Variants in GREB1 observed in about 807,000 individuals in gnomAD.
GREB1 encodes the protein protein GREB1.
Under a neutral mutation model 200.7 loss-of-function variants are expected in GREB1, and 106 were observed. That is an observed-to-expected ratio of 0.53 (90% CI 0.45 to 0.62). GREB1 has a LOEUF of 0.62. GREB1 is among the 20% of genes least tolerant of loss of function. The probability of loss-of-function intolerance (pLI) is 0.00; values close to 1 mark genes in which losing one functional copy is unlikely to be tolerated. For synonymous variants in GREB1, 1,132 were observed against 1,092.4 expected (o/e 1.04, Z -0.72); for missense variants, 2,243 against 2,556.8 (o/e 0.88, Z 2.65).
At chr2:11,637,424 A>G (rs1572233848) in intron 30 of GREB1, among the ~76,000 whole-genome samples, 1 of 152,108 alleles carries the variant, frequency 6.6e-6, no homozygotes, top group Non-Finnish European at 1.5e-5. Context: ...CCCCAGACCC[A>G]TGGGTTCTCT....
At chr2:11,581,347 C>G (rs1051219237) in intron 7 of GREB1, 5 of 301,430 alleles carry the variant, frequency 1.7e-5, no homozygotes, top group Non-Finnish European at 3.1e-5. Flanking sequence ...GCTCACTAAT[C>G]GGTACCGGCT....
At chr2:11,520,327 A>G (rs181610363) in intron 1 of GREB1, among the ~76,000 whole-genome samples, 9 of 152,352 alleles carry the variant, frequency 5.9e-5, no homozygotes, top group Admixed American at 2.0e-4. Flanking sequence ...TTTATTATCT[A>G]TCTTCCAGTT....
At chr2:11,591,386 T>C (rs1468988682) in intron 10 of GREB1, 2 of 734,792 alleles carry the variant, frequency 2.7e-6, no homozygotes, top group African/African-American at 3.4e-5. Context: ...CCTGACGCAC[T>C]TTCTTCCAGC....
chr2:11,541,333 G>A (rs1416546533), intron 1 of GREB1, among the ~76,000 whole-genome samples: 1 of 152,112 alleles, frequency 6.6e-6, no homozygotes, highest in African/African-American at 2.4e-5. Flanking sequence ...TCCAGACCAT[G>A]GCCCTTCCTT....
chr2:11,634,323 C>A lies in GREB1; in HGVS notation c.5184C>A (p.Thr1728=). Residue 1728 remains threonine (T), a synonymous_variant, in exon 29 of 33, where the codon ACC becomes ACA. Coordinates refer to ENST00000381486, the MANE Select transcript of GREB1 (RefSeq NM_014668.4). ...TCATCATCCTGAACGTGGACCTGAC[C>A]CAGAACGTGCAGTACAACCAGAACC... is the stretch of plus-strand genomic sequence containing the variant. ...HNFIILNVDL[T]QNVQYNQNRF... 1 of 1,613,988 alleles carries A rather than the reference C, an allele frequency of 6.2e-7. No homozygotes were observed. The highest frequency in any genetic ancestry group is 1.1e-5 in the South Asian group (1 of 91,082).
intron 1 of GREB1, among the ~76,000 whole-genome samples, chr2:11,499,283 G>T (rs1414656740): frequency 6.6e-6 from 1 of 152,222 alleles, no homozygotes; most frequent in East Asian, 1.9e-4. Flanking sequence ...TGGGTGCAGG[G>T]GTCAGCCTGG....
intron 1 of GREB1, among the ~76,000 whole-genome samples, chr2:11,552,279 A>G (rs1675928848): frequency 6.6e-6 from 1 of 152,178 alleles, no homozygotes; most frequent in South Asian, 2.1e-4. Flanking sequence ...CAGGCGTTGG[A>G]TGTGATGTGT....
chr2:11,532,736 G>A (rs1259515175), upstream of GREB1, among the ~76,000 whole-genome samples: 1 of 152,166 alleles, frequency 6.6e-6, no homozygotes, highest in Non-Finnish European at 1.5e-5. Flanking sequence ...CGATGTGTGT[G>A]CTTGTCCCCA....
rs750847838 is a variant in GREB1 at position 11,580,738 on chromosome 2, A to G, written c.807A>G (p.Ala269=). ...CTGATCACCCCTCACTAAACGCAGCAATGGGTCCGGCTGTTTTCAACGGCA... is the reference window on the plus strand; with the variant it reads ...CTGATCACCCCTCACTAAACGCAGCGATGGGTCCGGCTGTTTTCAACGGCA... The part of the protein sequence containing the change: ...PASDHPSLNA[A]MGPAVFNGKD... Residue 269 remains alanine, a synonymous_variant, in exon 7 of 33, where the codon GCA becomes GCG. Transcript: ENST00000381486. The surrounding 1 kb of genome is among the most constrained non-coding windows in gnomAD (Gnocchi z 4.5). 3.1e-6 allele frequency: 5 copies of G among 1,614,194 alleles called. No homozygotes were observed. The highest frequency in any genetic ancestry group is 4.2e-6 in the Non-Finnish European group (5 of 1,180,008).
At chr2:11,505,146 G>A (rs1474673032) in intron 1 of GREB1, among the ~76,000 whole-genome samples, 2 of 152,058 alleles carry the variant, frequency 1.3e-5, no homozygotes, top group Admixed American at 6.5e-5. Flanking sequence ...TGGCCAGGCT[G>A]GTCTTGAACT....
At chr2:11,490,994 A>AT (rs1226557811) in intron 1 of GREB1, among the ~76,000 whole-genome samples, 2 of 152,206 alleles carry the variant, frequency 1.3e-5, no homozygotes, top group Non-Finnish European at 2.9e-5. Flanking sequence ...CCAGCACTGT[A>AT]TAGGGGTTCC....
Position 11,634,197 on chromosome 2 carries a change from C to T in GREB1, c.5058C>T (p.Pro1686=), listed in dbSNP as rs1052966080. Residue 1686 remains proline, a synonymous_variant, in exon 29 of 33, where the codon CCC becomes CCT. Coordinates refer to ENST00000381486, the MANE Select transcript of GREB1 (RefSeq NM_014668.4). ...TCATGCAGCACATCGAGGCGGCCCC[C>T]GACATCATGCACTACGCCCTGCTGG... ...KHIMQHIEAA[P]DIMHYALLGL... 3.7e-6 allele frequency: 6 copies of T among 1,614,122 alleles called. No individual in the cohort carries two copies. The highest frequency in any genetic ancestry group is 1.3e-5 in the African/African-American group (1 of 74,944).
In GREB1 at chr2:11,505,808, C is replaced by A. The variant is rs370257787; in HGVS notation, c.-159+23427C>A. Among the ~76,000 whole-genome samples the A allele has an allele frequency of 3.3e-5, 5 of 152,108 alleles. No homozygotes were observed. The South Asian group carries it at 1.0e-3, about 32-fold the overall frequency. On this transcript the variant is annotated intron_variant, in intron 1 of 2. Coordinates refer to the GREB1 transcript ENST00000628795. Reference sequence around the variant, plus strand: ...GGTGCAGTGAGCTGTGATCACACCACTGCACTCCAGCCTGGGAAACAGAGC... The same window carrying A: ...GGTGCAGTGAGCTGTGATCACACCAATGCACTCCAGCCTGGGAAACAGAGC...
At chr2:11,485,537 G>A (rs1316108689) in intron 1 of GREB1, among the ~76,000 whole-genome samples, 1 of 152,144 alleles carries the variant, frequency 6.6e-6, no homozygotes, top group Admixed American at 6.5e-5. Flanking sequence ...GCCTCCCAAA[G>A]TGCTGGGATT....
At chr2:11,556,330 T>C in intron 1 of GREB1, 124 bp from the exon 2 acceptor site, 1 of 237,554 alleles carries the variant, frequency 4.2e-6, no homozygotes, top group Non-Finnish European at 8.0e-6. Context: ...GTGGGAGTCC[T>C]GTGAAACCTG....
At chr2:11,555,251 A>G (rs1240019979) in intron 1 of GREB1, among the ~76,000 whole-genome samples, 1 of 152,256 alleles carries the variant, frequency 6.6e-6, no homozygotes, top group African/African-American at 2.4e-5. Flanking sequence ...CATTATGGAC[A>G]TATACACATT....
chr2:11,523,365 C>T (rs770114008), intron 1 of GREB1, among the ~76,000 whole-genome samples: 21 of 152,112 alleles, frequency 1.4e-4, no homozygotes, highest in Non-Finnish European at 2.5e-4. Context: ...CCTGCACACG[C>T]ACCCTAAACC....
intron 16 of GREB1, among the ~76,000 whole-genome samples, chr2:11,601,580 A>G (rs114783914): frequency 0.024 from 3,652 of 152,350 alleles, 151 homozygotes; most frequent in African/African-American, 0.082. Context: ...AGTAAACGTA[A>G]GAGATGAGAC....
chr2:11,502,958 C>T (rs899870143), intron 1 of GREB1, among the ~76,000 whole-genome samples: 16 of 152,134 alleles, frequency 1.1e-4, no homozygotes, highest in East Asian at 3.9e-4. Context: ...GAAGTCCATC[C>T]GACCTCCAGG....
Sources: allele counts gnomAD v4.1 joint callset (sites outside exome capture counted in the v4.1 genomes callset), GRCh38; gene constraint gnomAD v4.1.1; non-coding constraint Gnocchi (gnomAD v3.1); transcripts MANE v1.5; gene names NCBI Gene and HGNC (gene_info 2026-07-23, HGNC 2026-07-21).